Variants in BCKDHA observed in about 807,000 individuals in gnomAD.
The protein encoded by BCKDHA is 2-oxoisovalerate dehydrogenase subunit alpha, mitochondrial.
In BCKDHA, 43 loss-of-function variants were observed where a neutral mutation model predicts 52.2. The ratio of observed to expected loss-of-function variants is 0.82; its 90% CI spans 0.64 to 1.06. The LOEUF is 1.06. Ranked by LOEUF, BCKDHA falls within the 50% of genes least tolerant of loss-of-function variation. The probability of loss-of-function intolerance (pLI) is 0.00; values close to 1 mark genes in which losing one functional copy is unlikely to be tolerated. For missense variants in BCKDHA, 527 were observed against 621.3 expected (o/e 0.85, Z 1.61); for synonymous variants, 234 against 247.9 (o/e 0.94, Z 0.53).
Position 41,410,702 on chromosome 19 carries a change from G to A in BCKDHA, c.174G>A (p.Ser58=), listed in dbSNP as rs576803251. The part of the protein sequence containing the change: ...LDDKPQFPGA[S]AEFIDKLEFI... The stretch of plus-strand genomic sequence containing the variant: ...ACAAGCCCCAGTTCCCAGGGGCCTC[G>A]GCGGAGTTTATAGATAAGTTGGAAT... Residue 58 remains serine (S), a synonymous_variant, in exon 2 of 9, where the codon TCG becomes TCA. Coordinates refer to ENST00000269980, the MANE Select transcript of BCKDHA (RefSeq NM_000709.4). 56 of 1,614,118 alleles carry A rather than the reference G, an allele frequency of 3.5e-5. No homozygotes were observed. The Middle Eastern group carries it at 6.6e-4, about 19-fold the overall frequency.
At chr19:41,402,274 C>T (rs796723010) in intron 1 of BCKDHA, among the ~76,000 whole-genome samples, 3 of 152,244 alleles carry the variant, frequency 2.0e-5, no homozygotes, top group African/African-American at 7.2e-5. Flanking sequence ...CAGAGACAAA[C>T]CATGTCAGTG....
chr19:41,416,299 A>T (rs1250951410), intron 4 of BCKDHA, among the ~76,000 whole-genome samples: 1 of 152,022 alleles, frequency 6.6e-6, no homozygotes, highest in Non-Finnish European at 1.5e-5. Flanking sequence ...ATTTCCCCTC[A>T]CTGCACTGCA....
In BCKDHA at chr19:41,414,239, A is replaced by G. The variant is rs563897270; in HGVS notation, c.484+82A>G. On this transcript the variant is annotated intron_variant, in intron 4 of 8. Transcript: ENST00000269980. ...TTCTGAGTGTTCTTCCAGGAGCAGC[A>G]TAGTGCCAGGAAGGTCTAAGGAGCT... is the stretch of plus-strand genomic sequence containing the variant. 6.5e-4 allele frequency: 870 copies of G among 1,345,918 alleles called. 21 individuals are homozygous for G. The South Asian group carries it at 9.8e-3, about 15-fold the overall frequency. 83.4% of individuals were successfully genotyped at this position (1,345,918 alleles called of 1,614,324 possible).
chr19:41,410,350 C>T (rs114278248), intron 1 of BCKDHA, among the ~76,000 whole-genome samples: 55 of 152,348 alleles, frequency 3.6e-4, no homozygotes, highest in African/African-American at 1.3e-3. Context: ...TTGCCAGCCA[C>T]TTGATTGAGT....
intron 2 of BCKDHA, 53 bp downstream of exon 2, chr19:41,410,869 C>T (rs1404215566): frequency 5.0e-6 from 8 of 1,613,588 alleles, no homozygotes; most frequent in African/African-American, 4.0e-5. Context: ...GGCCCCTTGC[C>T]TGTCTCCTCT....
intron 8 of BCKDHA, among the ~76,000 whole-genome samples, chr19:41,423,736 G>C (rs2039396010): frequency 6.6e-6 from 1 of 152,168 alleles, no homozygotes; most frequent in South Asian, 2.1e-4. Context: ...GGAGGCCGAG[G>C]CAGGAGAATT....
intron 3 of BCKDHA, among the ~76,000 whole-genome samples, chr19:41,411,404 A>G (rs1327250935): frequency 1.3e-5 from 2 of 152,140 alleles, no homozygotes; most frequent in African/African-American, 2.4e-5. Flanking sequence ...AAATCCTAGT[A>G]TCAGGGACAA....
rs543625738 is a variant in BCKDHA, at chr19:41,404,186, G to C, written c.108+6251G>C. On this transcript the variant is annotated intron_variant, in intron 1 of 8. Coordinates refer to ENST00000269980, the MANE Select transcript of BCKDHA (RefSeq NM_000709.4). ...GTAGAGATGGGGTTTCGCCATATTGGCCAGGCTGGTCTTGAACTCCTGGCT... is the reference window on the plus strand; with the variant it reads ...GTAGAGATGGGGTTTCGCCATATTGCCCAGGCTGGTCTTGAACTCCTGGCT... Among the ~76,000 whole-genome samples the C allele has an allele frequency of 2.6e-5, 4 of 151,918 alleles. No individual in the cohort carries two copies. In the East Asian group the frequency reaches 7.8e-4, roughly 30 times the overall value.
At chr19:41,420,077 A>G (rs1385403337) in intron 5 of BCKDHA, among the ~76,000 whole-genome samples, 1 of 152,098 alleles carries the variant, frequency 6.6e-6, no homozygotes, top group Non-Finnish European at 1.5e-5. Context: ...TGTGTTCCAG[A>G]CTTTGAATGC....
At chr19:41,422,930 C>A in intron 7 of BCKDHA, 68 bp from the exon 8 acceptor site, 1 of 1,569,358 alleles carries the variant, frequency 6.4e-7, no homozygotes, top group East Asian at 2.3e-5. Context: ...TAGTTCATCC[C>A]CCATCCTCCC....
In BCKDHA at chr19:41,424,682, C is replaced by G; in HGVS notation, c.*74C>G. 1 of 1,472,286 alleles carries G rather than the reference C, an allele frequency of 6.8e-7. No individual in the cohort carries two copies. 91.2% of individuals were successfully genotyped at this position (1,472,286 alleles called of 1,614,324 possible). On this transcript the variant is annotated 3_prime_UTR_variant, in exon 9 of 9. Transcript: ENST00000269980. ...CCCCACTCTAAGGGGAGCAGGGGGA[C>G]CTGACAGCACACCACTGTCTTCCCC...
rs200363605 is a variant in BCKDHA at position 41,424,503 on chromosome 19, C to T, written c.1233C>T (p.Asp411=). The T allele has an allele frequency of 7.8e-5, 126 of 1,614,174 alleles. No homozygotes were observed. The East Asian group carries it at 8.9e-4, about 11-fold the overall frequency. The change falls in exon 9 of 9, where the codon GAC becomes GAT. Residue 411 remains aspartate, a synonymous_variant. Coordinates refer to ENST00000269980, the MANE Select transcript of BCKDHA (RefSeq NM_000709.4). ...CCAACCCCAACCTACTCTTCTCAGACGTGTATCAGGAGATGCCCGCCCAGC... is the reference window on the plus strand; with the variant it reads ...CCAACCCCAACCTACTCTTCTCAGATGTGTATCAGGAGATGCCCGCCCAGC... The part of the protein sequence containing the change: ...PKPNPNLLFS[D]VYQEMPAQLR...
At chr19:41,415,122 G>A (rs2039294646) in intron 4 of BCKDHA, among the ~76,000 whole-genome samples, 1 of 152,216 alleles carries the variant, frequency 6.6e-6, no homozygotes, top group South Asian at 2.1e-4. Flanking sequence ...AGCATGGCTT[G>A]CAGCCTGCTC....
chr19:41,420,305 GTTA>G (rs2039350555), intron 5 of BCKDHA, among the ~76,000 whole-genome samples: 1 of 152,152 alleles, frequency 6.6e-6, no homozygotes, highest in Non-Finnish European at 1.5e-5. Flanking sequence ...GGGGACAGAG[GTTA>G]TTATTTGCTC....
At chr19:41,409,122 G>A (rs2039224763) in intron 1 of BCKDHA, among the ~76,000 whole-genome samples, 1 of 152,036 alleles carries the variant, frequency 6.6e-6, no homozygotes, top group African/African-American at 2.4e-5. Context: ...GCTAATTTTT[G>A]TATTTTTGGT....
chr19:41,422,045 C>G, intron 5 of BCKDHA, 119 bp from the exon 6 acceptor site: 1 of 993,188 alleles, frequency 1.0e-6, no homozygotes, highest in Non-Finnish European at 1.5e-6. Context: ...TTTCCTTTCC[C>G]CTTGAAGCCT....
chr19:41,414,089 G>A lies in BCKDHA; in HGVS notation c.416G>A (p.Gly139Asp). The change falls in exon 4 of 9, where the codon GGC (glycine) becomes GAC (aspartate). Residue 139 changes from glycine (G) to aspartate (D), a missense_variant. Transcript: ENST00000269980. ...SFYMTNYGEE[G>D]THVGSAAALD... ...TACATGACCAACTATGGTGAGGAGG[G>A]CACGCACGTGGGGAGTGCCGCCGCC... 1 of 1,613,780 alleles carries A rather than the reference G, an allele frequency of 6.2e-7. No homozygotes were observed. The highest frequency in any genetic ancestry group is 1.1e-5 in the South Asian group (1 of 91,084).
chr19:41,422,976 G>A (rs1281798696), intron 7 of BCKDHA, 22 bp from the exon 8 acceptor site: 1 of 1,604,626 alleles, frequency 6.2e-7, no homozygotes, highest in East Asian at 2.2e-5. Context: ...ACACTGACCT[G>A]GGGCCCCTTG....
chr19:41,411,235 TG>T (rs976689825), intron 3 of BCKDHA, among the ~76,000 whole-genome samples: 3 of 152,096 alleles, frequency 2.0e-5, no homozygotes, highest in African/African-American at 7.2e-5. Flanking sequence ...TGTGCCTGGC[TG>T]GGGGCTCGCC....
Sources: gnomAD v4.1 joint callset for allele counts (sites outside exome capture counted in the v4.1 genomes callset) on GRCh38, gnomAD v4.1.1 for gene constraint, MANE v1.5 for transcripts, NCBI Gene and HGNC (gene_info 2026-07-23, HGNC 2026-07-21) for gene names.